The following NR3C2 variants were observed in gnomAD, a reference collection of about 807,000 sequenced individuals.
NR3C2 encodes mineralocorticoid receptor.
Under a neutral mutation model 86.4 loss-of-function variants are expected in NR3C2, and 15 were observed. The ratio of observed to expected loss-of-function variants is 0.17; its 90% CI spans 0.12 to 0.27. NR3C2 has a LOEUF of 0.27. NR3C2 is among the 10% of genes least tolerant of loss of function. NR3C2 has a pLI of 1.00. For missense variants in NR3C2, 960 were observed against 1,195.6 expected, an observed-to-expected ratio of 0.80 and a Z score of 2.91; for synonymous variants, 458 against 450.5, an observed-to-expected ratio of 1.02 and a Z score of -0.21.
At chr4:148,132,118 T>C (rs535165787) in intron 6 of NR3C2, among the ~76,000 whole-genome samples, 4 of 152,246 alleles carry the variant, frequency 2.6e-5, no homozygotes, top group African/African-American at 2.4e-5. Context: ...TATATGTCTT[T>C]AGTGCAGGAG....
chr4:148,274,273 A>G (rs144180580), intron 2 of NR3C2, among the ~76,000 whole-genome samples: 67 of 152,346 alleles, frequency 4.4e-4, no homozygotes, highest in African/African-American at 1.5e-3. Context: ...AGTCTTAGAA[A>G]GACAGGTGTA....
chr4:148,270,004 C>T (rs566980375), intron 2 of NR3C2, among the ~76,000 whole-genome samples: 2 of 152,096 alleles, frequency 1.3e-5, no homozygotes, highest in Admixed American at 6.6e-5. Context: ...TGGCATGAGA[C>T]GCTGAGGACT....
intron 8 of NR3C2, among the ~76,000 whole-genome samples, chr4:148,088,120 T>C (rs1730898711): frequency 6.6e-6 from 1 of 152,224 alleles, no homozygotes; most frequent in Non-Finnish European, 1.5e-5. Context: ...AAGCTCATCA[T>C]CACTGGTCAT....
intron 4 of NR3C2, among the ~76,000 whole-genome samples, chr4:148,187,284 T>A (rs867945256): frequency 6.6e-6 from 1 of 151,918 alleles, no homozygotes. Flanking sequence ...ATTTAAGGAA[T>A]CTCCACACTG....
At chr4:148,205,560 CTTT>C (rs1736962305) in intron 3 of NR3C2, among the ~76,000 whole-genome samples, 2 of 152,174 alleles carry the variant, frequency 1.3e-5, no homozygotes, top group Non-Finnish European at 2.9e-5. Flanking sequence ...TCTGCTTGCT[CTTT>C]TATTAATTCA....
intron 3 of NR3C2, among the ~76,000 whole-genome samples, chr4:148,203,864 A>G (rs1454899876): frequency 6.6e-6 from 1 of 152,220 alleles, no homozygotes; most frequent in Non-Finnish European, 1.5e-5. Context: ...AACATGTTTT[A>G]AAATGCCAGG....
At chr4:148,249,294 TC>T (rs1016104651) in intron 3 of NR3C2, among the ~76,000 whole-genome samples, 5 of 149,518 alleles carry the variant, frequency 3.3e-5, no homozygotes, top group African/African-American at 9.9e-5. Context: ...GGTATTTGCT[TC>T]CCCCCGACCA....
At chr4:148,270,849 T>G (rs1180835036) in intron 2 of NR3C2, among the ~76,000 whole-genome samples, 2 of 152,188 alleles carry the variant, frequency 1.3e-5, no homozygotes, top group Non-Finnish European at 2.9e-5. Context: ...CGGTTTCCTA[T>G]GCTCACTTTT....
intron 3 of NR3C2, among the ~76,000 whole-genome samples, chr4:148,238,854 C>T (rs1217617863): frequency 6.6e-6 from 1 of 152,170 alleles, no homozygotes; most frequent in Non-Finnish European, 1.5e-5. Context: ...AATTCAGGTG[C>T]CACAGGACAC....
intron 2 of NR3C2, among the ~76,000 whole-genome samples, chr4:148,325,155 A>AGTGTGTGT (rs57080333): frequency 0.17 from 25,741 of 151,350 alleles, 2,461 homozygotes; most frequent in African/African-American, 0.27. Context: ...AGAGAGACAG[A>AGTGTGTGT]GTGTGTGTGT....
At chr4:148,427,219 G>C (rs183568809) in intron 2 of NR3C2, among the ~76,000 whole-genome samples, 1 of 151,954 alleles carries the variant, frequency 6.6e-6, no homozygotes, top group Admixed American at 6.6e-5. Flanking sequence ...CCACCCAAAA[G>C]GCTGGGATTA....
intron 2 of NR3C2, among the ~76,000 whole-genome samples, chr4:148,272,569 T>A (rs1297548814): frequency 1.3e-5 from 2 of 152,194 alleles, no homozygotes; most frequent in African/African-American, 4.8e-5. Flanking sequence ...TAAAAAGACA[T>A]CCATATTTTT....
intron 3 of NR3C2, among the ~76,000 whole-genome samples, chr4:148,258,692 G>A (rs936963410): frequency 2.0e-4 from 31 of 152,190 alleles, no homozygotes; most frequent in African/African-American, 7.5e-4. Context: ...ATGAGAGAAC[G>A]TGCATGAGAA....
intron 2 of NR3C2, among the ~76,000 whole-genome samples, chr4:148,431,501 G>A (rs1291842998): frequency 6.6e-6 from 1 of 152,082 alleles, no homozygotes; most frequent in African/African-American, 2.4e-5. Context: ...AGCAGACAGG[G>A]GAGTTCTAAT....
chr4:148,244,079 A>C (rs905771787), intron 3 of NR3C2, among the ~76,000 whole-genome samples: 3 of 152,214 alleles, frequency 2.0e-5, no homozygotes, highest in Non-Finnish European at 4.4e-5. Context: ...GCTGGCAGTT[A>C]ACTCCTGACA....
chr4:148,187,787 C>T (rs1240793173), intron 4 of NR3C2, among the ~76,000 whole-genome samples: 1 of 152,112 alleles, frequency 6.6e-6, no homozygotes, highest in African/African-American at 2.4e-5. Context: ...TCATGAAATC[C>T]TTGCCTAAGC....
intron 2 of NR3C2, among the ~76,000 whole-genome samples, chr4:148,391,129 T>G (rs1747526552): frequency 6.6e-6 from 1 of 152,242 alleles, no homozygotes; most frequent in Admixed American, 6.5e-5. Flanking sequence ...CTGCTTTTAT[T>G]TCTGAAGACC....
At chr4:148,374,643 C>T (rs868132847) in intron 2 of NR3C2, among the ~76,000 whole-genome samples, 2 of 152,304 alleles carry the variant, frequency 1.3e-5, no homozygotes, top group South Asian at 4.1e-4. Context: ...CCTAAATTTT[C>T]ATTTGTGTAA....
intron 4 of NR3C2, among the ~76,000 whole-genome samples, chr4:148,168,662 C>T (rs1734990293): frequency 6.6e-6 from 1 of 152,252 alleles, no homozygotes; most frequent in Non-Finnish European, 1.5e-5. Flanking sequence ...CTAAAAACCT[C>T]TCCCAAGGCC....
Sources: gnomAD v4.1 joint callset for allele counts (sites outside exome capture counted in the v4.1 genomes callset) on GRCh38, gnomAD v4.1.1 for gene constraint, MANE v1.5 for transcripts, NCBI Gene and HGNC (gene_info 2026-07-23, HGNC 2026-07-21) for gene names.